The following GRK6 variants were observed in gnomAD, a reference collection of about 807,000 sequenced individuals.
GRK6 encodes G protein-coupled receptor kinase 6.
GRK6 carries 37 observed loss-of-function variants against 80.8 expected under a neutral mutation model. The ratio of observed to expected loss-of-function variants is 0.46; its 90% CI spans 0.35 to 0.60. The LOEUF (loss-of-function observed/expected upper bound fraction) is 0.60. GRK6 is among the 20% of genes least tolerant of loss of function. The probability of loss-of-function intolerance (pLI) is 0.00; values close to 1 mark genes in which losing one functional copy is unlikely to be tolerated. For missense variants in GRK6, 560 were observed against 784.6 expected, an observed-to-expected ratio of 0.71 and a Z score of 3.42; for synonymous variants, 295 against 320.9, an observed-to-expected ratio of 0.92 and a Z score of 0.86.
rs568079243 is a variant in GRK6 at position 177,429,639 on chromosome 5, C to A, written c.53-1233C>A. On this transcript the variant is annotated intron_variant, in intron 1 of 15. Transcript: ENST00000355472. The surrounding 1 kb of genome is among the most constrained non-coding windows in gnomAD (Gnocchi z 4.3). ...GTCGGGGAGTCATCTAGGGACCTAG[C>A]CTTGCCCCCTCCCTAGAAGGCAACT... is the stretch of plus-strand genomic sequence containing the variant. Among the ~76,000 whole-genome samples, 2 of 152,300 alleles carry A rather than the reference C, an allele frequency of 1.3e-5. No individual in the cohort carries two copies. The highest frequency in any genetic ancestry group is 3.9e-4 in the East Asian group (2 of 5,190).
chr5:177,441,032 G>A lies in GRK6; in HGVS notation c.1656G>A (p.Leu552=). The change falls in exon 15 of 16, where the codon CTG becomes CTA. Residue 552 remains leucine, a synonymous_variant. Transcript: ENST00000355472. ...QPPAPPKKGL[L]QRLFSRQDCC... ...CTGCACCTCCTAAAAAGGGACTGCT[G>A]CAGAGACTCTTCAGTCGCCAAGTAA... 1.9e-6 allele frequency: 3 copies of A among 1,613,972 alleles called. No homozygotes were observed. The highest frequency in any genetic ancestry group is 2.5e-6 in the Non-Finnish European group (3 of 1,179,978).
intron 15 of GRK6, chr5:177,441,347 C>T: frequency 6.8e-7 from 1 of 1,470,556 alleles, no homozygotes; most frequent in Middle Eastern, 1.7e-4. Context: ...AGAAAGAAGT[C>T]TGGTGCCCGC....
At chr5:177,441,330 A>G in intron 15 of GRK6, 1 of 1,534,814 alleles carries the variant, frequency 6.5e-7, no homozygotes, top group Non-Finnish European at 8.8e-7. Context: ...CAAAGGCAAG[A>G]TGTGGGAGAA....
chr5:177,441,023 G>A lies in GRK6; in HGVS notation c.1647G>A (p.Lys549=), dbSNP rs147617969. ...GCCAGCCACCTGCACCTCCTAAAAAGGGACTGCTGCAGAGACTCTTCAGTC... is the reference window on the plus strand; with the variant it reads ...GCCAGCCACCTGCACCTCCTAAAAAAGGACTGCTGCAGAGACTCTTCAGTC... The part of the protein sequence containing the change: ...WKGQPPAPPK[K]GLLQRLFSRQ... The change falls in exon 15 of 16, where the codon AAG becomes AAA. Residue 549 remains lysine, a synonymous_variant. Transcript: ENST00000355472. 9.3e-5 allele frequency: 150 copies of A among 1,614,014 alleles called. 1 individual carries two copies. The African/African-American group carries it at 1.8e-3, about 20-fold the overall frequency.
intron 15 of GRK6, 47 bp from the exon 16 acceptor site, chr5:177,441,690 C>A (rs751223962): frequency 6.7e-7 from 1 of 1,487,852 alleles, no homozygotes; most frequent in South Asian, 1.1e-5. Flanking sequence ...GTTAATGGCA[C>A]CTGCTCTGCC....
At chr5:177,441,624 C>G (rs549792906) in intron 15 of GRK6, 113 bp from the exon 16 acceptor site, 2 of 908,554 alleles carry the variant, frequency 2.2e-6, no homozygotes, top group South Asian at 1.3e-5. Flanking sequence ...GAGTGCACCC[C>G]TCAGGCAGCT....
intron 15 of GRK6, 71 bp downstream of exon 15, chr5:177,441,124 G>T: frequency 1.3e-6 from 2 of 1,577,690 alleles, no homozygotes; most frequent in Non-Finnish European, 1.7e-6. Context: ...AGGCAGAGCC[G>T]GTGCCCGCAT....
intron 13 of GRK6, among the ~76,000 whole-genome samples, chr5:177,439,048 G>C (rs1764321894): frequency 6.6e-6 from 1 of 152,200 alleles, no homozygotes; most frequent in East Asian, 1.9e-4. Flanking sequence ...TCTGTTTCCT[G>C]TGTACATCAT....
In GRK6 at chr5:177,436,164, G is replaced by A. The variant is rs1343750832; in HGVS notation, c.1149G>A (p.Ser383=). 13 of 1,614,050 alleles carry A rather than the reference G, an allele frequency of 8.1e-6. No homozygotes were observed. The Admixed American group carries it at 8.3e-5, about 10-fold the overall frequency. ...TGTACGAGATGATCGCAGGCCAGTC[G>A]CCCTTCCAGCAGAGGAAGAAGAAGA... ...CLLYEMIAGQ[S]PFQQRKKKIK... The change falls in exon 12 of 16, where the codon TCG becomes TCA. Residue 383 remains serine (S), a synonymous_variant. Transcript: ENST00000355472.
intron 2 of GRK6, 100 bp from the exon 3 acceptor site, chr5:177,431,895 T>G: frequency 1.0e-6 from 1 of 995,498 alleles, no homozygotes; most frequent in Non-Finnish European, 1.6e-6. Flanking sequence ...ACTGCAGAGC[T>G]GGAAGCTGTT....
At chr5:177,441,247 G>A (rs1764482106) in intron 15 of GRK6, 194 bp downstream of exon 15, 3 of 1,562,118 alleles carry the variant, frequency 1.9e-6, no homozygotes, top group East Asian at 2.3e-5. Context: ...CTTTCCAGAG[G>A]TGAGCAGTGT....
intron 8 of GRK6, 71 bp downstream of exon 8, chr5:177,433,747 C>T: frequency 6.3e-7 from 1 of 1,580,826 alleles, no homozygotes; most frequent in Non-Finnish European, 8.6e-7. Flanking sequence ...CCCCCCAGGC[C>T]CCACCCTCCC....
chr5:177,436,373 C>T lies in GRK6; in HGVS notation c.1267-20C>T. 8.1e-7 allele frequency: 1 copy of T among 1,237,122 alleles called. No individual in the cohort carries two copies. The highest frequency in any genetic ancestry group is 1.1e-6 in the Non-Finnish European group (1 of 910,768). 76.6% of individuals were successfully genotyped at this position (1,237,122 alleles called of 1,614,324 possible). ...CCACTCACCTGCCTGGCCTGCCTGG[C>T]CGACTCACCCCTGCCACAGCTCCTC... is the stretch of plus-strand genomic sequence containing the variant. On this transcript the variant is annotated intron_variant, in intron 12 of 15. Transcript: ENST00000355472.
At chr5:177,436,786 T>C (rs1451159977) in intron 13 of GRK6, 1 of 493,112 alleles carries the variant, frequency 2.0e-6, no homozygotes, top group Non-Finnish European at 3.6e-6. Context: ...TACCGTTGAG[T>C]GTGTAGTCTT....
intron 2 of GRK6, 153 bp from the exon 3 acceptor site, chr5:177,431,842 T>C (rs1405546938): frequency 2.9e-6 from 2 of 698,826 alleles, no homozygotes; most frequent in Non-Finnish European, 5.0e-6. Flanking sequence ...TGTGCCCACC[T>C]GAGGGTTGTG....
At chr5:177,435,145 C>T in intron 11 of GRK6, 24 bp downstream of exon 11, 1 of 1,554,256 alleles carries the variant, frequency 6.4e-7, no homozygotes, top group Non-Finnish European at 8.8e-7. Context: ...GCCCGGCCCA[C>T]TAGCCTCCTG....
intron 15 of GRK6, chr5:177,441,497 C>G: frequency 3.2e-6 from 2 of 622,346 alleles, no homozygotes; most frequent in East Asian, 5.5e-5. Flanking sequence ...CCTGGCAGAC[C>G]GTGGGATCTA....
chr5:177,439,691 G>A (rs985509509), intron 13 of GRK6, among the ~76,000 whole-genome samples: 7 of 149,282 alleles, frequency 4.7e-5, no homozygotes, highest in African/African-American at 1.2e-4. Context: ...CTTCCCTCCC[G>A]CTGCTCCTAG....
At chr5:177,435,252 C>G in intron 11 of GRK6, 131 bp downstream of exon 11, 1 of 660,850 alleles carries the variant, frequency 1.5e-6, no homozygotes, top group Non-Finnish European at 2.6e-6. Flanking sequence ...GCCGATGCTC[C>G]TCTTCTAGAG....
Sources: allele counts gnomAD v4.1 joint callset (sites outside exome capture counted in the v4.1 genomes callset), GRCh38; gene constraint gnomAD v4.1.1; non-coding constraint Gnocchi (gnomAD v3.1); transcripts MANE v1.5; gene names NCBI Gene and HGNC (gene_info 2026-07-23, HGNC 2026-07-21).